The following RILP variants were observed in gnomAD, a reference collection of about 807,000 sequenced individuals.
The protein encoded by RILP is rab-interacting lysosomal protein.
RILP carries 53 observed loss-of-function variants against 40.0 expected under a neutral mutation model. The ratio of observed to expected loss-of-function variants is 1.32; its 90% CI spans 1.06 to 1.66. RILP has a LOEUF of 1.66. RILP is among the 40% of genes most tolerant of loss of function. RILP has a pLI of 0.00. For missense variants in RILP, 626 were observed against 551.7 expected, an observed-to-expected ratio of 1.13 and a Z score of -1.35; for synonymous variants, 272 against 250.6, an observed-to-expected ratio of 1.09 and a Z score of -0.80.
At chr17:1,647,360 G>A (rs1302539308) in intron 6 of RILP, among the ~76,000 whole-genome samples, 1 of 152,192 alleles carries the variant, frequency 6.6e-6, no homozygotes, top group East Asian at 1.9e-4. Flanking sequence ...CGCTGGTCTC[G>A]AACTCCTGAC....
At position 1,647,834 on chromosome 17, in the gene RILP, C is replaced by T; in HGVS notation, c.944+1G>A. Reference sequence around the variant, plus strand: ...CCGTGGGAATGCAGGCAGGGACCTACCTGCTCTCTGCTTCCTCTGGTGTCC... The same window carrying T: ...CCGTGGGAATGCAGGCAGGGACCTATCTGCTCTCTGCTTCCTCTGGTGTCC... On this transcript the variant is annotated splice_donor_variant, in intron 6 of 7. Coordinates refer to ENST00000301336, the MANE Select transcript of RILP (RefSeq NM_031430.3). LOFTEE classifies it high-confidence loss of function. 1.2e-6 allele frequency: 2 copies of T among 1,614,164 alleles called. No individual in the cohort carries two copies. Among genetic ancestry groups the T allele is most frequent in the Non-Finnish European group, 1.7e-6 (2 of 1,180,010 alleles).
At position 1,646,715 on chromosome 17, in the gene RILP, G is replaced by C. The variant is rs1227051950; in HGVS notation, c.1029-96C>G. 2.6e-5 allele frequency: 34 copies of C among 1,322,310 alleles called. No individual in the cohort carries two copies. The highest frequency in any genetic ancestry group is 4.4e-5 in the African/African-American group (3 of 67,598). The allele number at this position is 1,322,310 out of a possible 1,614,324, so 81.9% of individuals were successfully genotyped here. A position where few individuals can be genotyped will look rare whatever the true frequency, so the allele number is the denominator to read the frequency against. ...GGATGGTGAGAAAAGGGGAGAGGGG[G>C]AAGAAAGGGCAGCCTGAGGGAGTGT... On this transcript the variant is annotated intron_variant, in intron 7 of 7. Transcript: ENST00000301336. The surrounding 1 kb of genome is among the most constrained non-coding windows in gnomAD (Gnocchi z 4.3).
rs754629144 is a variant in RILP at position 1,649,419 on chromosome 17, C to T, written c.315G>A (p.Gly105=). ...NERLRRELRA[G]PQEERALLRQ... ...GGCCGGGGCTGCGCTTACCCTGTGGCCCCGCGCGCAGCTCCCTGCGGAGGC... is the reference window on the plus strand; with the variant it reads ...GGCCGGGGCTGCGCTTACCCTGTGGTCCCGCGCGCAGCTCCCTGCGGAGGC... The change falls in exon 2 of 8, where the codon GGG becomes GGA. Residue 105 remains glycine (G), a synonymous_variant. Coordinates refer to ENST00000301336, the MANE Select transcript of RILP (RefSeq NM_031430.3). The surrounding 1 kb of genome is among the most constrained non-coding windows in gnomAD (Gnocchi z 4.3). 2 of 1,506,512 alleles carry T rather than the reference C, an allele frequency of 1.3e-6. No homozygotes were observed. Among genetic ancestry groups the T allele is most frequent in the Non-Finnish European group, 1.8e-6 (2 of 1,135,260 alleles). 93.3% of individuals were successfully genotyped at this position (1,506,512 alleles called of 1,614,324 possible). A position where few individuals can be genotyped will look rare whatever the true frequency, so the allele number is the denominator to read the frequency against.
In RILP at chr17:1,646,780, CG is replaced by C; in HGVS notation, c.1028+125del. 1 of 1,041,252 alleles carries C rather than the reference CG, an allele frequency of 9.6e-7. No individual in the cohort carries two copies. The highest frequency in any genetic ancestry group is 1.4e-6 in the Non-Finnish European group (1 of 716,670). The allele number at this position is 1,041,252 out of a possible 1,614,324, so 64.5% of individuals were successfully genotyped here. On this transcript the variant is annotated intron_variant, in intron 7 of 7. Transcript: ENST00000301336. This position sits in a 1 kb window ranked among gnomAD's most constrained non-coding sequence, Gnocchi z 4.3. ...CCAGGGCCAGAGAAGCAGGAGGGGA[CG>C]GTGTGCTTAGAGCCAAGCACAGCAG... is the stretch of plus-strand genomic sequence containing the variant.
chr17:1,646,927 G>C lies in RILP; in HGVS notation c.1007C>G (p.Pro336Arg). 2 of 1,606,490 alleles carry C rather than the reference G, an allele frequency of 1.2e-6. No homozygotes were observed. The highest frequency in any genetic ancestry group is 1.7e-6 in the Non-Finnish European group (2 of 1,175,944). Residue 336 changes from proline to arginine, a missense_variant, in exon 7 of 8, where the codon CCG becomes CGG. Physicochemically the swap from Pro to Arg is moderately radical, Grantham distance 103. Coordinates refer to ENST00000301336, the MANE Select transcript of RILP (RefSeq NM_031430.3). This position sits in a 1 kb window ranked among gnomAD's most constrained non-coding sequence, Gnocchi z 4.3. ...SDDKGDHPPP[P>R]ESKIQSFFGL... ...ATACAAACTCTGTATTTTGGACTCC[G>C]GGGGTGGGGGATGGTCTCCCTTGTC...
Position 1,646,931 on chromosome 17 carries a change from G to A in RILP, c.1003C>T (p.Pro335Ser), listed in dbSNP as rs34588939. The stretch of plus-strand genomic sequence containing the variant: ...AAACTCTGTATTTTGGACTCCGGGG[G>A]TGGGGGATGGTCTCCCTTGTCATCG... ...LSDDKGDHPP[P>S]PESKIQSFFG... Residue 335 changes from proline (P) to serine (S), a missense_variant, in exon 7 of 8, where the codon CCC becomes TCC. Coordinates refer to ENST00000301336, the MANE Select transcript of RILP (RefSeq NM_031430.3). The surrounding 1 kb of genome is among the most constrained non-coding windows in gnomAD (Gnocchi z 4.3). The A allele has an allele frequency of 5.7e-4, 923 of 1,607,964 alleles. 5 individuals are homozygous for A. The African/African-American group carries it at 0.01, about 18-fold the overall frequency.
At chr17:1,647,144 ATTT>A in intron 6 of RILP, among the ~76,000 whole-genome samples, 155 bp from the exon 7 acceptor site, 1 of 145,742 alleles carries the variant, frequency 6.9e-6, no homozygotes, top group Non-Finnish European at 1.5e-5. Flanking sequence ...TTAATTTTTA[ATTT>A]TTTTTTTTTT....
rs1333104806 is a variant in RILP, at chr17:1,649,492, G to A, written c.242C>T (p.Ala81Val). ...GPAPDSLQVS[A>V]QPAEQELRRL... ...CCGCAGCTCCTGCTCCGCCGGCTGC[G>A]CCGACACCTGCAGCTGGGGAGACCC... Residue 81 changes from alanine to valine, a missense_variant, in exon 2 of 8, where the codon GCG becomes GTG. Physicochemically the swap from Ala to Val is moderately conservative, Grantham distance 64. Coordinates refer to ENST00000301336, the MANE Select transcript of RILP (RefSeq NM_031430.3). This position sits in a 1 kb window ranked among gnomAD's most constrained non-coding sequence, Gnocchi z 4.3. The A allele has an allele frequency of 2.7e-6, 4 of 1,508,812 alleles. No homozygotes were observed. Among genetic ancestry groups the A allele is most frequent in the Non-Finnish European group, 3.5e-6 (4 of 1,137,110 alleles). 93.5% of individuals were successfully genotyped at this position (1,508,812 alleles called of 1,614,324 possible).
chr17:1,648,324 G>A lies in RILP; in HGVS notation c.821+26C>T, dbSNP rs1555549337. The A allele has an allele frequency of 1.9e-6, 3 of 1,608,604 alleles. No homozygotes were observed. The highest frequency in any genetic ancestry group is 2.2e-5 in the East Asian group (1 of 44,762). On this transcript the variant is annotated intron_variant, in intron 5 of 7. Transcript: ENST00000301336. The surrounding 1 kb of genome is among the most constrained non-coding windows in gnomAD (Gnocchi z 4.9). ...GGAGAATGAGGTGGGGTGATCGGAG[G>A]CCCCCCGGCTTCCCAGCGTCCTCAC...
rs1910557157 is a variant in RILP at position 1,646,260 on chromosome 17, G to C, written c.*182C>G. On this transcript the variant is annotated 3_prime_UTR_variant, in exon 8 of 8. Coordinates refer to ENST00000301336, the MANE Select transcript of RILP (RefSeq NM_031430.3). The surrounding 1 kb of genome is among the most constrained non-coding windows in gnomAD (Gnocchi z 4.3). ...TCATGGATGGGGAAACTGAGACTCA[G>C]AGAGGCACTCTTATATCTGGCCCCA... 1.4e-5 allele frequency: 7 copies of C among 514,398 alleles called. No homozygotes were observed. The highest frequency in any genetic ancestry group is 2.3e-5 in the Non-Finnish European group (7 of 299,766). 31.9% of individuals were successfully genotyped at this position (514,398 alleles called of 1,614,324 possible).
chr17:1,649,089 C>T lies in RILP; in HGVS notation c.430-45G>A. 1 of 1,218,004 alleles carries T rather than the reference C, an allele frequency of 8.2e-7. No homozygotes were observed. The highest frequency in any genetic ancestry group is 3.4e-5 in the East Asian group (1 of 29,098). The allele number at this position is 1,218,004 out of a possible 1,614,324, so 75.4% of individuals were successfully genotyped here. A position where few individuals can be genotyped will look rare whatever the true frequency, so the allele number is the denominator to read the frequency against. On this transcript the variant is annotated intron_variant, in intron 3 of 7. Transcript: ENST00000301336. This position sits in a 1 kb window ranked among gnomAD's most constrained non-coding sequence, Gnocchi z 4.3. ...TGGGGTGGGCGGGGCACCGAGGGCC[C>T]CCCGGAGCCCCGCCCAGCGCCTGCC...
rs891774659 is a variant in RILP, at chr17:1,647,248, T to C, written c.945-259A>G. 1.0e-3 allele frequency among the ~76,000 whole-genome samples: 158 copies of C among 152,026 alleles called. 2 individuals are homozygous for C. The highest frequency in any genetic ancestry group is 3.7e-4 in the Non-Finnish European group (25 of 68,006). On this transcript the variant is annotated intron_variant, in intron 6 of 7. Transcript: ENST00000301336. The stretch of plus-strand genomic sequence containing the variant: ...TCCGCCTCCCAAGTTCAAGCGATTC[T>C]CCTGCCGCAGCCTCCTGAGTAGCTG...
Position 1,646,493 on chromosome 17 carries a change from A to G in RILP, c.1155T>C (p.Ser385=), listed in dbSNP as rs138782493. The G allele has an allele frequency of 3.1e-5, 50 of 1,611,552 alleles. No homozygotes were observed. The highest frequency in any genetic ancestry group is 1.7e-4 in the Middle Eastern group (1 of 6,060). Reference sequence around the variant, plus strand: ...CCAGACAAAGGTGTTCGTGGAGGGCAGAACAGGGCGGATCAGGAGCTGGAG... The same window carrying G: ...CCAGACAAAGGTGTTCGTGGAGGGCGGAACAGGGCGGATCAGGAGCTGGAG... ...PQSPAPDPPC[S]ALHEHLCLGA... is the part of the protein sequence containing the mutation. Residue 385 remains serine (S), a synonymous_variant, in exon 8 of 8, where the codon TCT becomes TCC. Coordinates refer to ENST00000301336, the MANE Select transcript of RILP (RefSeq NM_031430.3). This position sits in a 1 kb window ranked among gnomAD's most constrained non-coding sequence, Gnocchi z 4.3.
Position 1,646,711 on chromosome 17 carries a change from G to T in RILP, c.1029-92C>A. ...CAGGGGATGGTGAGAAAAGGGGAGA[G>T]GGGGAAGAAAGGGCAGCCTGAGGGA... On this transcript the variant is annotated intron_variant, in intron 7 of 7. Coordinates refer to ENST00000301336, the MANE Select transcript of RILP (RefSeq NM_031430.3). This position sits in a 1 kb window ranked among gnomAD's most constrained non-coding sequence, Gnocchi z 4.3. 7.3e-7 allele frequency: 1 copy of T among 1,372,978 alleles called. No individual in the cohort carries two copies. Among genetic ancestry groups the T allele is most frequent in the Non-Finnish European group, 9.9e-7 (1 of 1,006,220 alleles). The allele number at this position is 1,372,978 out of a possible 1,614,324, so 85.0% of individuals were successfully genotyped here. A position where few individuals can be genotyped will look rare whatever the true frequency, so the allele number is the denominator to read the frequency against.
At position 1,646,927 on chromosome 17, in the gene RILP, G is replaced by T. The variant is rs769814500; in HGVS notation, c.1007C>A (p.Pro336Gln). ...ATACAAACTCTGTATTTTGGACTCCGGGGGTGGGGGATGGTCTCCCTTGTC... is the reference window on the plus strand; with the variant it reads ...ATACAAACTCTGTATTTTGGACTCCTGGGGTGGGGGATGGTCTCCCTTGTC... ...SDDKGDHPPP[P>Q]ESKIQSFFGL... Residue 336 changes from proline (P) to glutamine (Q), a missense_variant, in exon 7 of 8, where the codon CCG (proline) becomes CAG (glutamine). Transcript: ENST00000301336. This position sits in a 1 kb window ranked among gnomAD's most constrained non-coding sequence, Gnocchi z 4.3. 6.2e-7 allele frequency: 1 copy of T among 1,606,490 alleles called. No homozygotes were observed. The highest frequency in any genetic ancestry group is 2.2e-5 in the East Asian group (1 of 44,576).
chr17:1,649,394 G>GGT lies in RILP; in HGVS notation c.322+17_322+18insAC. 6.7e-7 allele frequency: 1 copy of GGT among 1,501,770 alleles called. No homozygotes were observed. The highest frequency in any genetic ancestry group is 8.8e-7 in the Non-Finnish European group (1 of 1,132,966). The allele number at this position is 1,501,770 out of a possible 1,614,324, so 93.0% of individuals were successfully genotyped here. The stretch of plus-strand genomic sequence containing the variant: ...AGCAGGTCGTCACCCGCCCTGCCCT[G>GGT]GCCGGGGCTGCGCTTACCCTGTGGC... On this transcript the variant is annotated intron_variant, in intron 2 of 7. Transcript: ENST00000301336. The surrounding 1 kb of genome is among the most constrained non-coding windows in gnomAD (Gnocchi z 4.3).
rs1331657920 is a variant in RILP, at chr17:1,646,914, T to C, written c.1020A>G (p.Ile340Met). 1 of 1,600,490 alleles carries C rather than the reference T, an allele frequency of 6.2e-7. No individual in the cohort carries two copies. The highest frequency in any genetic ancestry group is 8.5e-7 in the Non-Finnish European group (1 of 1,172,496). The change falls in exon 7 of 8, where the codon ATA becomes ATG. Residue 340 changes from isoleucine to methionine, a missense_variant. Coordinates refer to ENST00000301336, the MANE Select transcript of RILP (RefSeq NM_031430.3). The surrounding 1 kb of genome is among the most constrained non-coding windows in gnomAD (Gnocchi z 4.3). ...CCCTTTCCCCAACATACAAACTCTG[T>C]ATTTTGGACTCCGGGGGTGGGGGAT... is the stretch of plus-strand genomic sequence containing the variant. The part of the protein sequence containing the change: ...GDHPPPPESK[I>M]QSFFGLWYRG...
chr17:1,648,822 C>A lies in RILP; in HGVS notation c.652G>T (p.Ala218Ser). 1 of 1,526,722 alleles carries A rather than the reference C, an allele frequency of 6.5e-7. No individual in the cohort carries two copies. Among genetic ancestry groups the A allele is most frequent in the Non-Finnish European group, 8.7e-7 (1 of 1,148,896 alleles). 94.6% of individuals were successfully genotyped at this position (1,526,722 alleles called of 1,614,324 possible). The change falls in exon 4 of 8, where the codon GCC becomes TCC. Residue 218 changes from alanine to serine, a missense_variant. Coordinates refer to ENST00000301336, the MANE Select transcript of RILP (RefSeq NM_031430.3). The surrounding 1 kb of genome is among the most constrained non-coding windows in gnomAD (Gnocchi z 4.9). ...EPEWATAGAGAPGNPEDPAEA... is the reference protein window; with the variant it reads ...EPEWATAGAGSPGNPEDPAEA... ...ACCGGGTCCTCAGGGTTCCCTGGGG[C>A]GCCTGCGCCGGCGGTCGCCCATTCG...
chr17:1,649,536 C>T lies in RILP; in HGVS notation c.229-31G>A. On this transcript the variant is annotated intron_variant, in intron 1 of 7. Coordinates refer to ENST00000301336, the MANE Select transcript of RILP (RefSeq NM_031430.3). The surrounding 1 kb of genome is among the most constrained non-coding windows in gnomAD (Gnocchi z 4.3). Reference sequence around the variant, plus strand: ...GAGACCCGGGTCTCAGGCTTCGGCCCTGCCGGCCCCGTGGGTGGCGAAGGG... The same window carrying T: ...GAGACCCGGGTCTCAGGCTTCGGCCTTGCCGGCCCCGTGGGTGGCGAAGGG... 6.6e-7 allele frequency: 1 copy of T among 1,507,378 alleles called. No individual in the cohort carries two copies. The highest frequency in any genetic ancestry group is 8.8e-7 in the Non-Finnish European group (1 of 1,135,004). 93.4% of individuals were successfully genotyped at this position (1,507,378 alleles called of 1,614,324 possible).
Sources: gnomAD v4.1 joint callset for allele counts (sites outside exome capture counted in the v4.1 genomes callset) on GRCh38, gnomAD v4.1.1 for gene constraint, Gnocchi (gnomAD v3.1) non-coding constraint, MANE v1.5 for transcripts, NCBI Gene and HGNC (gene_info 2026-07-23, HGNC 2026-07-21) for gene names.